Variants in SARAF observed in about 807,000 individuals in gnomAD.
SARAF encodes the protein store-operated calcium entry associated regulatory factor.
A neutral mutation model predicts 39.7 loss-of-function variants in SARAF; 23 were observed. That is an observed-to-expected ratio of 0.58 (90% CI 0.42 to 0.82). The LOEUF is 0.82. Ranked by LOEUF, SARAF falls within the 40% of genes least tolerant of loss-of-function variation. SARAF has a pLI of 0.00. For missense variants in SARAF, 384 were observed against 418.5 expected, an observed-to-expected ratio of 0.92 and a Z score of 0.72; for synonymous variants, 175 against 168.5, an observed-to-expected ratio of 1.04 and a Z score of -0.30.
intron 3 of SARAF, among the ~76,000 whole-genome samples, chr8:30,067,756 C>A (rs553357342): frequency 2.6e-5 from 4 of 152,238 alleles, no homozygotes; most frequent in African/African-American, 9.6e-5. Flanking sequence ...TTTACACAGT[C>A]CCATTCTAAT....
chr8:30,063,963 A>C (rs1245487529), intron 5 of SARAF, 50 bp from the exon 6 acceptor site: 1 of 1,435,894 alleles, frequency 7.0e-7, no homozygotes, highest in Non-Finnish European at 9.6e-7. Context: ...ATGCATTAGA[A>C]TTGCTTATAA....
intron 3 of SARAF, among the ~76,000 whole-genome samples, chr8:30,068,884 T>C (rs889652791): frequency 1.3e-5 from 2 of 152,218 alleles, no homozygotes; most frequent in Non-Finnish European, 2.9e-5. Flanking sequence ...AAGTCTAATT[T>C]ACCCATGTTT....
intron 3 of SARAF, among the ~76,000 whole-genome samples, chr8:30,067,614 A>T (rs1363564168): frequency 6.6e-6 from 1 of 152,192 alleles, no homozygotes; most frequent in Non-Finnish European, 1.5e-5. Context: ...CTGTCCATTC[A>T]TGAACTTTTT....
chr8:30,081,950 G>A (rs1026556464), intron 1 of SARAF, among the ~76,000 whole-genome samples: 7 of 151,576 alleles, frequency 4.6e-5, no homozygotes, highest in African/African-American at 1.7e-4. Context: ...AAAAAAAACC[G>A]AGAAAATTAT....
In SARAF at chr8:30,069,844, G is replaced by C; in HGVS notation, c.498C>G (p.Ser166=). 1 of 1,614,134 alleles carries C rather than the reference G, an allele frequency of 6.2e-7. No homozygotes were observed. Among genetic ancestry groups the C allele is most frequent in the Non-Finnish European group, 8.5e-7 (1 of 1,180,026 alleles). ...ASFSDYYYKW[S]SADSCNMSGL... is the part of the protein sequence containing the mutation. ...CACTCATGTTACAGGAATCCGCCGA[G>C]GACCACTTATAATAATAATCAGAGA... The change falls in exon 3 of 6, where the codon TCC becomes TCG. Residue 166 remains serine, a synonymous_variant. Coordinates refer to ENST00000256255, the MANE Select transcript of SARAF (RefSeq NM_016127.6).
intron 3 of SARAF, among the ~76,000 whole-genome samples, chr8:30,069,133 C>CTTTTTTTTTTTTTTTTTTTTTTTTTTTT: frequency 1.1e-5 from 1 of 94,512 alleles, no homozygotes. Flanking sequence ...TTTAATCAGG[C>CTTTTTTTTTTTTTTTTTTTTTTTTTTTT]ATTTTTTTTT....
At chr8:30,076,238 C>T (rs530080411) in intron 1 of SARAF, among the ~76,000 whole-genome samples, 1 of 152,298 alleles carries the variant, frequency 6.6e-6, no homozygotes, top group African/African-American at 2.4e-5. Flanking sequence ...GGGACAAAAA[C>T]AACCAAACAG....
In SARAF at chr8:30,082,914, G is replaced by A. The variant is rs772472285; in HGVS notation, c.36C>T (p.Tyr12=). Residue 12 remains tyrosine, a synonymous_variant, in exon 1 of 6, where the codon TAC becomes TAT. Coordinates refer to ENST00000256255, the MANE Select transcript of SARAF (RefSeq NM_016127.6). ...AAACGPGAAG[Y]CLLLGLHLFL... is the part of the protein sequence containing the mutation. The stretch of plus-strand genomic sequence containing the variant: ...ACAAATGCAAGCCGAGGAGCAAGCA[G>A]TACCCGGCCGCTCCCGGCCCGCAGG... 9 of 1,555,310 alleles carry A rather than the reference G, an allele frequency of 5.8e-6. No individual in the cohort carries two copies. The highest frequency in any genetic ancestry group is 2.4e-5 in the South Asian group (2 of 84,226).
intron 1 of SARAF, among the ~76,000 whole-genome samples, chr8:30,076,996 G>A (rs979399387): frequency 1.1e-4 from 17 of 152,078 alleles, no homozygotes; most frequent in Middle Eastern, 3.4e-3. Context: ...GGAAGCAGGA[G>A]GAAAAAAGAG....
chr8:30,075,654 G>C (rs1267104506), intron 1 of SARAF, among the ~76,000 whole-genome samples: 3 of 152,122 alleles, frequency 2.0e-5, no homozygotes, highest in Non-Finnish European at 4.4e-5. Flanking sequence ...CTGTCATGAA[G>C]CTTGACATGA....
chr8:30,074,333 T>C (rs1801910449), intron 1 of SARAF, among the ~76,000 whole-genome samples: 1 of 152,222 alleles, frequency 6.6e-6, no homozygotes, highest in South Asian at 2.1e-4. Context: ...AAAAAGTTCA[T>C]TAACCTGAAA....
At chr8:30,064,561 A>ATATATATATTTTTTATTTTT (rs1423689069) in intron 5 of SARAF, among the ~76,000 whole-genome samples, 1 of 46,228 alleles carries the variant, frequency 2.2e-5, no homozygotes, top group African/African-American at 1.1e-4. Flanking sequence ...ATATATATAT[A>ATATATATATTTTTTATTTTT]TTTTTTTTTT....
At chr8:30,075,020 G>T (rs1160540512) in intron 1 of SARAF, among the ~76,000 whole-genome samples, 1 of 152,170 alleles carries the variant, frequency 6.6e-6, no homozygotes, top group Non-Finnish European at 1.5e-5. Flanking sequence ...AAATTTTTAG[G>T]TTGGGTGTGG....
At chr8:30,074,358 GTAA>G (rs1433091114) in intron 1 of SARAF, among the ~76,000 whole-genome samples, 4 of 152,294 alleles carry the variant, frequency 2.6e-5, no homozygotes, top group South Asian at 2.1e-4. Flanking sequence ...GTACTACTGT[GTAA>G]TAATAATAGT....
intron 5 of SARAF, 177 bp downstream of exon 5, chr8:30,065,809 CCT>C (rs1801670146): frequency 1.4e-6 from 1 of 710,258 alleles, no homozygotes; most frequent in African/African-American, 1.8e-5. Flanking sequence ...AAATCAAATC[CCT>C]GTTTGATTTT....
rs1414612776 is a variant in SARAF at position 30,074,047 on chromosome 8, A to C, written c.112T>G (p.Leu38Val). Reference sequence around the variant, plus strand: ...GTAAGAGCTTTTACATCCCGCAGCAACATTCTGTCTGAAACAGCAAGAAAA... The same window carrying C: ...GTAAGAGCTTTTACATCCCGCAGCACCATTCTGTCTGAAACAGCAAGAAAA... ...ALGWNDPDRM[L>V]LRDVKALTLH... The change falls in exon 2 of 6, where the codon TTG becomes GTG. Residue 38 changes from leucine (L) to valine (V), a missense_variant. By Grantham distance (32) the Leu-to-Val change is conservative (BLOSUM62 1). Coordinates refer to ENST00000256255, the MANE Select transcript of SARAF (RefSeq NM_016127.6). The C allele has an allele frequency of 5.0e-6, 8 of 1,613,610 alleles. No homozygotes were observed. The highest frequency in any genetic ancestry group is 5.9e-6 in the Non-Finnish European group (7 of 1,179,680).
At chr8:30,078,292 C>CT (rs1200157057) in intron 1 of SARAF, 7 of 430,482 alleles carry the variant, frequency 1.6e-5, no homozygotes, top group Non-Finnish European at 3.2e-5. Flanking sequence ...ATTAGACAAA[C>CT]TCCAGGCTGT....
chr8:30,064,801 G>A (rs995197634), intron 5 of SARAF, among the ~76,000 whole-genome samples: 1 of 151,692 alleles, frequency 6.6e-6, no homozygotes, highest in African/African-American at 2.4e-5. Context: ...GACCTCAGGT[G>A]ATCCACCCAT....
chr8:30,082,742 C>G, intron 1 of SARAF, 105 bp downstream of exon 1: 1 of 863,662 alleles, frequency 1.2e-6, no homozygotes. Context: ...AATCCGGGCA[C>G]CCAGGCTCCG....
Sources: gnomAD v4.1 joint callset for allele counts (sites outside exome capture counted in the v4.1 genomes callset) on GRCh38, gnomAD v4.1.1 for gene constraint, MANE v1.5 for transcripts, NCBI Gene and HGNC (gene_info 2026-07-23, HGNC 2026-07-21) for gene names.